The following AFDN variants were observed in gnomAD, a reference collection of about 807,000 sequenced individuals.
AFDN encodes the protein afadin, adherens junction formation factor, also known as afadin.
In AFDN, 68 loss-of-function variants were observed where a neutral mutation model predicts 216.6. That is an observed-to-expected ratio of 0.31 (90% CI 0.26 to 0.38). The LOEUF (loss-of-function observed/expected upper bound fraction) is 0.38. AFDN is among the 10% of genes least tolerant of loss of function. The probability of loss-of-function intolerance (pLI) is 1.00; values close to 1 mark genes in which losing one functional copy is unlikely to be tolerated. For missense variants in AFDN, 2,136 were observed against 2,342.0 expected, an observed-to-expected ratio of 0.91 and a Z score of 1.82; for synonymous variants, 868 against 853.7, an observed-to-expected ratio of 1.02 and a Z score of -0.29.
chr6:167,945,032 T>C (rs1023941875), intron 26 of AFDN, among the ~76,000 whole-genome samples: 1 of 152,116 alleles, frequency 6.6e-6, no homozygotes, highest in African/African-American at 2.4e-5. Flanking sequence ...GTAACTTTAC[T>C]ACATAAAATT....
chr6:167,854,324 C>A (rs113386178), intron 1 of AFDN, among the ~76,000 whole-genome samples: 6,504 of 151,982 alleles, frequency 0.043, 435 homozygotes, highest in African/African-American at 0.15. Flanking sequence ...AACTCTTTAT[C>A]TGTTAAAGAA....
At chr6:167,849,278 TTA>T (rs1179840281) in intron 1 of AFDN, among the ~76,000 whole-genome samples, 7 of 152,198 alleles carry the variant, frequency 4.6e-5, no homozygotes, top group South Asian at 4.1e-4. Context: ...TCCCTTGATT[TTA>T]TATGTTTATC....
intron 2 of AFDN, among the ~76,000 whole-genome samples, chr6:167,867,846 A>G (rs36028723): frequency 0.84 from 128,155 of 152,224 alleles, 54,179 homozygotes; most frequent in Middle Eastern, 0.89. Context: ...AGTACTGTCA[A>G]TATCATCATT....
chr6:167,937,308 A>G (rs1030341479), intron 23 of AFDN, among the ~76,000 whole-genome samples: 3 of 152,210 alleles, frequency 2.0e-5, no homozygotes, highest in Admixed American at 1.3e-4. Flanking sequence ...TTCGTGATGC[A>G]TTGTCTTGAC....
chr6:167,885,914 A>G (rs1010972254), intron 6 of AFDN, among the ~76,000 whole-genome samples: 7 of 152,246 alleles, frequency 4.6e-5, no homozygotes, highest in South Asian at 2.1e-4. Context: ...ATATGTTTAC[A>G]TGAGCAAAGA....
chr6:167,919,234 T>C (rs1791489843), intron 21 of AFDN, among the ~76,000 whole-genome samples: 1 of 152,240 alleles, frequency 6.6e-6, no homozygotes, highest in South Asian at 2.1e-4. Flanking sequence ...TGTTCTCCCT[T>C]CTTGGTATTT....
chr6:167,964,545 T>C, intron 31 of AFDN: 3 of 1,065,526 alleles, frequency 2.8e-6, no homozygotes, highest in African/African-American at 3.3e-5. Context: ...AGGGCAGTAA[T>C]TGGGGCTGGC....
chr6:167,873,997 T>C (rs568667583), intron 4 of AFDN, among the ~76,000 whole-genome samples: 93 of 152,338 alleles, frequency 6.1e-4, no homozygotes, highest in African/African-American at 2.0e-3. Flanking sequence ...TTGAGTCTAG[T>C]ATTACATAAT....
In AFDN at chr6:167,938,520, TTAAAGA is replaced by T. The variant is rs996689775; in HGVS notation, c.3100-4606_3100-4601del. ...ATTTATAATGTAAACTTCAACCTAT[TTAAAGA>T]TAGGGAGTGCAGTCAAAATATCAGT... On this transcript the variant is annotated intron_variant, in intron 23 of 33. Transcript: ENST00000683244. Among the ~76,000 whole-genome samples, 29 of 152,300 alleles carry T rather than the reference TTAAAGA, an allele frequency of 1.9e-4. 1 individual carries two copies. The highest frequency in any genetic ancestry group is 1.7e-3 in the Admixed American group (26 of 15,290).
chr6:167,951,718 C>T lies in AFDN; in HGVS notation c.4364C>T (p.Ser1455Phe). 6.2e-7 allele frequency: 1 copy of T among 1,614,032 alleles called. No homozygotes were observed. The highest frequency in any genetic ancestry group is 8.5e-7 in the Non-Finnish European group (1 of 1,180,004). The stretch of plus-strand genomic sequence containing the variant: ...AAGTTGGGCCAGATGCGCACTCAGT[C>T]CTTAAACCCTGCTCCGTTTTCTCCC... ...ERKLGQMRTQ[S>F]LNPAPFSPLT... The change falls in exon 30 of 34, where the codon TCC (serine) becomes TTC (phenylalanine). Residue 1455 changes from serine (S) to phenylalanine (F), a missense_variant. By Grantham distance (155) the Ser-to-Phe change is radical. Coordinates refer to ENST00000683244, the MANE Select transcript of AFDN (RefSeq NM_001386888.1). The surrounding 1 kb of genome is among the most constrained non-coding windows in gnomAD (Gnocchi z 7.1).
rs746038488 is a variant in AFDN at position 167,907,198 on chromosome 6, G to A, written c.1678G>A (p.Val560Met). 1.2e-6 allele frequency: 2 copies of A among 1,614,182 alleles called. No homozygotes were observed. Among genetic ancestry groups the A allele is most frequent in the South Asian group, 2.2e-5 (2 of 91,080 alleles). Residue 560 changes from valine to methionine, a missense_variant, in exon 13 of 34, where the codon GTG becomes ATG. By Grantham distance (21) the Val-to-Met change is conservative (BLOSUM62 1). This residue lies in a region of AFDN where 817 missense variants were observed against 965.7 expected (regional missense o/e 0.85). Transcript: ENST00000683244. The stretch of plus-strand genomic sequence containing the variant: ...CACCACTAGGCTGGACAGCGACAGA[G>A]TGTCGTCTGCCTCTAGCACAGCCGA... Reference protein sequence around the residue: ...KSTTRLDSDRVSSASSTAERG... With the variant: ...KSTTRLDSDRMSSASSTAERG...
chr6:167,969,815 C>A lies in AFDN; in HGVS notation c.5376C>A (p.Ala1792=). 6.2e-7 allele frequency: 1 copy of A among 1,612,302 alleles called. No individual in the cohort carries two copies. Among genetic ancestry groups the A allele is most frequent in the Admixed American group, 1.7e-5 (1 of 59,594 alleles). ...QDADSPGSSG[A]PENLTFKERQ... ...CAGATTCACCTGGAAGTTCTGGGGC[C>A]CCTGAAAACTTGACATTCAAGGAAC... is the stretch of plus-strand genomic sequence containing the variant. The change falls in exon 34 of 34, where the codon GCC becomes GCA. Residue 1792 remains alanine, a synonymous_variant. Transcript: ENST00000683244.
intron 1 of AFDN, among the ~76,000 whole-genome samples, chr6:167,828,606 T>G (rs1310516840): frequency 6.6e-6 from 1 of 152,234 alleles, no homozygotes; most frequent in African/African-American, 2.4e-5. Flanking sequence ...TGTACTTAAG[T>G]GTTCGTTCAT....
chr6:167,924,810 A>T (rs1792293524), intron 22 of AFDN, 195 bp from the exon 23 acceptor site: 1 of 604,484 alleles, frequency 1.7e-6, no homozygotes, highest in Non-Finnish European at 3.0e-6. Context: ...TGAGTCAAGA[A>T]TATCGATTTA....
intron 1 of AFDN, among the ~76,000 whole-genome samples, chr6:167,847,022 A>C (rs2128157110): frequency 6.6e-6 from 1 of 152,296 alleles, no homozygotes; most frequent in South Asian, 2.1e-4. Flanking sequence ...TTTAAAGCTG[A>C]AAGTTAAATT....
chr6:167,950,990 C>A (rs1016870720), intron 29 of AFDN, among the ~76,000 whole-genome samples, 196 bp from the exon 30 acceptor site: 6 of 151,966 alleles, frequency 3.9e-5, no homozygotes, highest in African/African-American at 1.4e-4. Flanking sequence ...AGCCACCACG[C>A]TTGGCCGCTT....
chr6:167,874,782 A>G (rs1785166185), intron 4 of AFDN, among the ~76,000 whole-genome samples: 1 of 151,848 alleles, frequency 6.6e-6, no homozygotes, highest in Admixed American at 6.6e-5. Context: ...CGCTCGGCTA[A>G]TTTTGTATTT....
chr6:167,949,580 G>T (rs941641682), intron 29 of AFDN, among the ~76,000 whole-genome samples: 5 of 152,160 alleles, frequency 3.3e-5, no homozygotes, highest in Admixed American at 3.3e-4. Flanking sequence ...GCCCAGTCTT[G>T]GGAGTTTTGG....
rs1170015874 is a variant in AFDN, at chr6:167,898,177, AGTTTCTTTG to A, written c.1318-22_1318-14del. Reference sequence around the variant, plus strand: ...TAAATGCTGTGAACTTCATGATGGGAGTTTCTTTGGTTTCCTTCGGTTTCCAGTTGTTTG... The same window carrying A: ...TAAATGCTGTGAACTTCATGATGGGAGTTTCCTTCGGTTTCCAGTTGTTTG... On this transcript the variant is annotated intron_variant, in intron 10 of 33. Coordinates refer to ENST00000683244, the MANE Select transcript of AFDN (RefSeq NM_001386888.1). 6.2e-7 allele frequency: 1 copy of A among 1,609,692 alleles called. No homozygotes were observed. The highest frequency in any genetic ancestry group is 8.5e-7 in the Non-Finnish European group (1 of 1,177,068).
Sources: gnomAD v4.1 joint callset for allele counts (sites outside exome capture counted in the v4.1 genomes callset) on GRCh38, gnomAD v4.1.1 for gene constraint, gnomAD v4.1.1 regional missense constraint, Gnocchi (gnomAD v3.1) non-coding constraint, MANE v1.5 for transcripts, NCBI Gene and HGNC (gene_info 2026-07-23, HGNC 2026-07-21) for gene names.